The following XDH variants were observed in gnomAD, a reference collection of about 807,000 sequenced individuals.
The protein encoded by XDH is xanthine dehydrogenase/oxidase.
In XDH, 138 loss-of-function variants were observed where a neutral mutation model predicts 156.1. The ratio of observed to expected loss-of-function variants is 0.88; its 90% CI spans 0.77 to 1.02. The LOEUF (loss-of-function observed/expected upper bound fraction) is 1.02, where lower values mean the gene tolerates loss of function less well. Ranked by LOEUF, XDH falls within the 50% of genes least tolerant of loss-of-function variation. The probability of loss-of-function intolerance (pLI) is 0.00; values close to 1 mark genes in which losing one functional copy is unlikely to be tolerated. For synonymous variants in XDH, 669 were observed against 625.7 expected, an observed-to-expected ratio of 1.07 and a Z score of -1.03; for missense variants, 1,849 against 1,684.9, an observed-to-expected ratio of 1.10 and a Z score of -1.71.
At position 31,385,265 on chromosome 2, in the gene XDH, T is replaced by C. The variant is rs1236705149; in HGVS notation, c.793+1149A>G. On this transcript the variant is annotated intron_variant, in intron 9 of 35. Transcript: ENST00000379416. ...TAAATCAAGCTACACCTGAGCTACA[T>C]GAGCCATGAGTCCTGTTGAGCCATG... Among the ~76,000 whole-genome samples, 3 of 152,196 alleles carry C rather than the reference T, an allele frequency of 2.0e-5. No homozygotes were observed. In the East Asian group the frequency reaches 5.8e-4, roughly 29 times the overall value.
At chr2:31,365,298 G>T (rs1262980641) in intron 23 of XDH, among the ~76,000 whole-genome samples, 159 bp downstream of exon 23, 4 of 152,170 alleles carry the variant, frequency 2.6e-5, no homozygotes, top group African/African-American at 9.7e-5. Context: ...TTTCTGTGTT[G>T]CTGTTAGCCT....
chr2:31,380,073 G>T, intron 12 of XDH, 97 bp from the exon 13 acceptor site: 1 of 1,169,492 alleles, frequency 8.6e-7, no homozygotes, highest in Non-Finnish European at 1.3e-6. Flanking sequence ...TCTTCATGCT[G>T]GTCTCCAATG....
intron 26 of XDH, 151 bp downstream of exon 26, chr2:31,349,535 A>G (rs1558679381): frequency 1.7e-6 from 2 of 1,152,910 alleles, no homozygotes; most frequent in Non-Finnish European, 2.6e-6. Context: ...GATCATTATA[A>G]GATCTTAAAG....
At chr2:31,405,851 A>T in intron 2 of XDH, 56 bp downstream of exon 2, 1 of 1,600,750 alleles carries the variant, frequency 6.2e-7, no homozygotes, top group South Asian at 1.1e-5. Flanking sequence ...TAAGGCCTAC[A>T]GAATCAGTCA....
chr2:31,365,807 C>T (rs45613940), intron 22 of XDH, among the ~76,000 whole-genome samples, 169 bp downstream of exon 22: 28 of 152,272 alleles, frequency 1.8e-4, no homozygotes, highest in South Asian at 8.3e-4. Flanking sequence ...ACGGAACAGG[C>T]GATGTTACCC....
At position 31,372,373 on chromosome 2, in the gene XDH, C is replaced by A. The variant is rs774134497; in HGVS notation, c.1711G>T (p.Glu571Ter). 6.2e-7 allele frequency: 1 copy of A among 1,614,102 alleles called. No individual in the cohort carries two copies. Among genetic ancestry groups the A allele is most frequent in the South Asian group, 1.1e-5 (1 of 91,084 alleles). ...GGCAGGGGCCGGCCCACCATGTCCTCCTCAGACTGACCCTTGGGCACCTCC... is the reference window on the plus strand; with the variant it reads ...GGCAGGGGCCGGCCCACCATGTCCTACTCAGACTGACCCTTGGGCACCTCC... ...FQEVPKGQSEEDMVGRPLPHL... is the reference protein window; with the variant it reads ...FQEVPKGQSE Residue 571 changes from glutamate (E) to a stop codon, truncating the protein, a stop_gained, in exon 17 of 36, where the codon GAG becomes TAG. Transcript: ENST00000379416. LOFTEE classifies it high-confidence loss of function.
intron 16 of XDH, among the ~76,000 whole-genome samples, chr2:31,372,765 G>A (rs1259394076): frequency 2.0e-5 from 3 of 152,110 alleles, no homozygotes; most frequent in East Asian, 1.9e-4. Flanking sequence ...CAAAACATTT[G>A]TGTTTGTGTT....
At chr2:31,378,151 GAAGGAAGGAAGGAAGGAAGGAAGGAAGC>G (rs1413528790) in intron 13 of XDH, among the ~76,000 whole-genome samples, 1,366 of 121,054 alleles carry the variant, frequency 0.011, 41 homozygotes, top group Non-Finnish European at 0.015. Context: ...AGGAAGGAAG[GAAGGAAGGAAGGAAGGAAGGAAGGAAGC>G]AAGCAAGCAA....
intron 30 of XDH, among the ~76,000 whole-genome samples, chr2:31,345,203 C>T (rs1685249132): frequency 6.6e-6 from 1 of 151,974 alleles, no homozygotes; most frequent in Non-Finnish European, 1.5e-5. Flanking sequence ...TTATGTGGTT[C>T]CTCTTCTATA....
At chr2:31,410,783 T>C (rs973650673) in intron 1 of XDH, among the ~76,000 whole-genome samples, 2 of 152,006 alleles carry the variant, frequency 1.3e-5, no homozygotes, top group Admixed American at 6.6e-5. Context: ...ACCAATGTCA[T>C]GAAAGGAAAG....
intron 2 of XDH, among the ~76,000 whole-genome samples, chr2:31,405,071 C>A (rs1016854184): frequency 6.6e-6 from 1 of 152,160 alleles, no homozygotes; most frequent in Non-Finnish European, 1.5e-5. Flanking sequence ...CAGCTCTAGG[C>A]TTTGGTGCAA....
At chr2:31,386,377 C>A in intron 9 of XDH, 37 bp downstream of exon 9, 1 of 1,607,578 alleles carries the variant, frequency 6.2e-7, no homozygotes, top group Non-Finnish European at 8.5e-7. Flanking sequence ...ACCCCCAGAC[C>A]CCCTGGCAGC....
intron 21 of XDH, among the ~76,000 whole-genome samples, chr2:31,366,664 A>G (rs542714403): frequency 7.9e-5 from 12 of 152,362 alleles, no homozygotes; most frequent in African/African-American, 2.9e-4. Flanking sequence ...TTTATAAATG[A>G]GAAAACTGAG....
chr2:31,376,454 A>G (rs1268073001), intron 14 of XDH, among the ~76,000 whole-genome samples: 1 of 149,040 alleles, frequency 6.7e-6, no homozygotes, highest in East Asian at 1.9e-4. Context: ...AGTAGCAGTA[A>G]CAGTAGTAGT....
Position 31,364,095 on chromosome 2 carries a change from C to T in XDH, c.2631+63G>A, listed in dbSNP as rs549647587. ...CAGGGACTGGGGAGGCCTGTGCCTG[C>T]GTGGGAACAGGCTGACCTCGAAGTC... On this transcript the variant is annotated intron_variant, in intron 24 of 35. Coordinates refer to ENST00000379416, the MANE Select transcript of XDH (RefSeq NM_000379.4). 6.6e-5 allele frequency: 101 copies of T among 1,538,338 alleles called. No homozygotes were observed. In the Middle Eastern group the frequency reaches 8.7e-4, roughly 13 times the overall value.
intron 34 of XDH, among the ~76,000 whole-genome samples, chr2:31,338,565 G>T (rs895747121): frequency 1.3e-5 from 2 of 152,108 alleles, no homozygotes; most frequent in Non-Finnish European, 2.9e-5. Flanking sequence ...TGAGCAAATG[G>T]ATGTTTCTTT....
At chr2:31,373,564 TG>T (rs1686138496) in intron 16 of XDH, among the ~76,000 whole-genome samples, 2 of 149,632 alleles carry the variant, frequency 1.3e-5, no homozygotes, top group South Asian at 4.2e-4. Context: ...TTTGTTTGTT[TG>T]TTTTAGCATA....
chr2:31,387,022 A>G (rs1354452069), intron 8 of XDH, among the ~76,000 whole-genome samples: 2 of 135,328 alleles, frequency 1.5e-5, no homozygotes, highest in African/African-American at 3.1e-5. Flanking sequence ...GAAGGAAGGA[A>G]GGAAGGAAGG....
At chr2:31,374,999 C>A (rs1686188738) in intron 15 of XDH, among the ~76,000 whole-genome samples, 1 of 103,614 alleles carries the variant, frequency 9.7e-6, no homozygotes, top group African/African-American at 4.7e-5. Context: ...TTTTTCCTTT[C>A]TTTCTTTCTT....
Sources: gnomAD v4.1 joint callset for allele counts (sites outside exome capture counted in the v4.1 genomes callset) on GRCh38, gnomAD v4.1.1 for gene constraint, MANE v1.5 for transcripts, NCBI Gene and HGNC (gene_info 2026-07-23, HGNC 2026-07-21) for gene names.